LRRTM3: variants seen among roughly 807,000 people sequenced by gnomAD.
LRRTM3 encodes the protein leucine rich repeat transmembrane neuronal 3.
LRRTM3 carries 24 observed loss-of-function variants against 44.7 expected under a neutral mutation model. The ratio of observed to expected loss-of-function variants is 0.54; its 90% CI spans 0.39 to 0.76. The LOEUF is 0.76. Ranked by LOEUF, LRRTM3 falls within the 30% of genes least tolerant of loss-of-function variation. LRRTM3 has a pLI of 0.00. For synonymous variants in LRRTM3, 277 were observed against 278.7 expected (o/e 0.99, Z 0.06); for missense variants, 587 against 702.2 (o/e 0.84, Z 1.85).
chr10:66,945,893 TATTG>T (rs1380112884), intron 2 of LRRTM3, among the ~76,000 whole-genome samples: 4 of 152,216 alleles, frequency 2.6e-5, no homozygotes, highest in Admixed American at 2.0e-4. Flanking sequence ...AGGACATATT[TATTG>T]ATTAAGTTTG....
chr10:66,963,276 T>C (rs1849221336), intron 2 of LRRTM3, among the ~76,000 whole-genome samples: 1 of 152,188 alleles, frequency 6.6e-6, no homozygotes, highest in Admixed American at 6.5e-5. Context: ...AACAGACTTT[T>C]AGCTTTGAAC....
At chr10:66,957,450 A>G (rs1298899642) in intron 2 of LRRTM3, among the ~76,000 whole-genome samples, 1 of 35,526 alleles carries the variant, frequency 2.8e-5, no homozygotes, top group Non-Finnish European at 6.0e-5. Flanking sequence ...ATGCATATAT[A>G]TATATGCATA....
chr10:67,041,824 T>C (rs892871366), intron 2 of LRRTM3, among the ~76,000 whole-genome samples: 19 of 152,224 alleles, frequency 1.2e-4, no homozygotes, highest in South Asian at 1.2e-3. Flanking sequence ...TAAAGTGCTG[T>C]AGCTGATATA....
intron 2 of LRRTM3, among the ~76,000 whole-genome samples, chr10:67,015,792 T>C (rs1852620098): frequency 6.6e-6 from 1 of 152,154 alleles, no homozygotes; most frequent in Non-Finnish European, 1.5e-5. Context: ...ATGTTGTCTC[T>C]CTTTTCCCTG....
chr10:66,941,365 T>C (rs1283246747), intron 2 of LRRTM3, among the ~76,000 whole-genome samples: 2 of 152,212 alleles, frequency 1.3e-5, no homozygotes, highest in African/African-American at 4.8e-5. Flanking sequence ...TATCAAGATT[T>C]ATGACATAAG....
chr10:66,946,667 CA>C (rs2132703301), intron 2 of LRRTM3, among the ~76,000 whole-genome samples: 1 of 152,194 alleles, frequency 6.6e-6, no homozygotes, highest in African/African-American at 2.4e-5. Flanking sequence ...ACTTATTTCT[CA>C]TTTGACATCA....
chr10:67,073,817 CCTTT>C (rs1856591955), intron 2 of LRRTM3, among the ~76,000 whole-genome samples: 1 of 152,050 alleles, frequency 6.6e-6, no homozygotes, highest in African/African-American at 2.4e-5. Context: ...ACATTTTGAT[CCTTT>C]CTAAGTCTTT....
At chr10:66,930,754 A>C (rs907504651) in intron 2 of LRRTM3, among the ~76,000 whole-genome samples, 1 of 152,200 alleles carries the variant, frequency 6.6e-6, no homozygotes, top group African/African-American at 2.4e-5. Flanking sequence ...TGAATCACCA[A>C]TATTTTGAAA....
At chr10:67,001,320 AAAG>A (rs1392975279) in intron 2 of LRRTM3, among the ~76,000 whole-genome samples, 6 of 151,144 alleles carry the variant, frequency 4.0e-5, no homozygotes, top group Non-Finnish European at 7.4e-5. Flanking sequence ...AAAGAAAAAA[AAAG>A]AGAAAAAAAT....
At chr10:67,034,170 C>G (rs1428927597) in intron 2 of LRRTM3, among the ~76,000 whole-genome samples, 1 of 152,202 alleles carries the variant, frequency 6.6e-6, no homozygotes. Flanking sequence ...GGACTAGTTT[C>G]CTATCCTTTA....
At chr10:66,971,446 T>G (rs1849721154) in intron 2 of LRRTM3, among the ~76,000 whole-genome samples, 1 of 151,946 alleles carries the variant, frequency 6.6e-6, no homozygotes, top group Admixed American at 6.6e-5. Flanking sequence ...AATACATACA[T>G]ACATACATAA....
In LRRTM3 at chr10:67,082,680, G is replaced by A. The variant is rs1857111227; in HGVS notation, c.1537-14907G>A. Among the ~76,000 whole-genome samples, 3 of 152,076 alleles carry A rather than the reference G, an allele frequency of 2.0e-5. No homozygotes were observed. The South Asian group carries it at 6.2e-4, about 32-fold the overall frequency. On this transcript the variant is annotated intron_variant, in intron 2 of 2. Transcript: ENST00000361320. The stretch of plus-strand genomic sequence containing the variant: ...ATAGGAATATGTTATTTCCAAGAAG[G>A]GCCCTTTCTCCTAAAGATACATCCT...
intron 2 of LRRTM3, chr10:67,055,177 C>T (rs1855347203): frequency 6.6e-6 from 1 of 152,186 alleles, no homozygotes; most frequent in South Asian, 2.1e-4. Flanking sequence ...TGCATAGGCT[C>T]TTTGCATCTC....
chr10:66,999,195 C>T (rs1486687586), intron 2 of LRRTM3, among the ~76,000 whole-genome samples: 1 of 151,964 alleles, frequency 6.6e-6, no homozygotes, highest in Admixed American at 6.6e-5. Context: ...TTCATTAAGA[C>T]TTCAGTTATT....
intron 2 of LRRTM3, among the ~76,000 whole-genome samples, chr10:66,945,518 C>T (rs1390427430): frequency 1.3e-5 from 2 of 152,124 alleles, no homozygotes; most frequent in Non-Finnish European, 2.9e-5. Flanking sequence ...TCTCTCCAGA[C>T]CACTAAAATG....
At chr10:66,941,626 G>A (rs1000727612) in intron 2 of LRRTM3, among the ~76,000 whole-genome samples, 2 of 152,156 alleles carry the variant, frequency 1.3e-5, no homozygotes, top group African/African-American at 2.4e-5. Flanking sequence ...TGCAGAACAC[G>A]ATATCAGTCT....
intron 2 of LRRTM3, among the ~76,000 whole-genome samples, chr10:67,068,639 A>G (rs1317534780): frequency 6.6e-6 from 1 of 152,256 alleles, no homozygotes; most frequent in Non-Finnish European, 1.5e-5. Flanking sequence ...TGAGAGTGAC[A>G]TCAGAAAAGC....
chr10:66,964,762 T>C (rs1849308203), intron 2 of LRRTM3, among the ~76,000 whole-genome samples: 1 of 151,956 alleles, frequency 6.6e-6, no homozygotes, highest in Non-Finnish European at 1.5e-5. Flanking sequence ...AGCATGGAAG[T>C]AGGAGGGAAA....
At chr10:67,072,337 G>A (rs1465537450) in intron 2 of LRRTM3, among the ~76,000 whole-genome samples, 1 of 151,998 alleles carries the variant, frequency 6.6e-6, no homozygotes, top group Non-Finnish European at 1.5e-5. Flanking sequence ...TTAAGTCCTT[G>A]CCAGTTACCT....
Sources: gnomAD v4.1 joint callset for allele counts (sites outside exome capture counted in the v4.1 genomes callset) on GRCh38, gnomAD v4.1.1 for gene constraint, MANE v1.5 for transcripts, NCBI Gene and HGNC (gene_info 2026-07-23, HGNC 2026-07-21) for gene names.